The following ECM2 variants were observed in gnomAD, a reference collection of about 807,000 sequenced individuals.
ECM2 encodes extracellular matrix protein 2.
A neutral mutation model predicts 67.5 loss-of-function variants in ECM2; 57 were observed. The observed-to-expected ratio is 0.84, with a 90% confidence interval of 0.68 to 1.05. The LOEUF (loss-of-function observed/expected upper bound fraction) is 1.05. Among genes scored for constraint, ECM2 ranks in the 50% least tolerant of loss-of-function variants. The probability of loss-of-function intolerance (pLI) is 0.00; values close to 1 mark genes in which losing one functional copy is unlikely to be tolerated. For missense variants in ECM2, 741 were observed against 822.8 expected, an observed-to-expected ratio of 0.90 and a Z score of 1.22; for synonymous variants, 258 against 294.5, an observed-to-expected ratio of 0.88 and a Z score of 1.27.
chr9:92,502,398 G>T, intron 8 of ECM2, 115 bp downstream of exon 8: 2 of 1,286,170 alleles, frequency 1.6e-6, no homozygotes, highest in Non-Finnish European at 2.2e-6. Context: ...CTGTCTCCGA[G>T]CCCTTCAGTA....
chr9:92,552,002 G>GATA, the ECM2 span, among the ~76,000 whole-genome samples: 1 of 138,470 alleles, frequency 7.2e-6, no homozygotes, highest in Non-Finnish European at 1.6e-5. Flanking sequence ...TGATATATAT[G>GATA]TGTATATATA....
chr9:92,558,858 C>T, the ECM2 span, among the ~76,000 whole-genome samples: 1 of 151,992 alleles, frequency 6.6e-6, no homozygotes, highest in Non-Finnish European at 1.5e-5. Context: ...GAGTTGTATA[C>T]CTAGGAGGAT....
chr9:92,494,354 A>C (rs1358531151), downstream of ECM2, among the ~76,000 whole-genome samples: 1 of 152,218 alleles, frequency 6.6e-6, no homozygotes, highest in Non-Finnish European at 1.5e-5. Flanking sequence ...AAGGGTTGTT[A>C]AATGGATGTG....
At chr9:92,543,591 A>T in the ECM2 span, among the ~76,000 whole-genome samples, 1 of 151,900 alleles carries the variant, frequency 6.6e-6, no homozygotes, top group African/African-American at 2.4e-5. Flanking sequence ...TGAAAAAAAA[A>T]GTTGAAATTT....
chr9:92,541,825 G>T, the ECM2 span, among the ~76,000 whole-genome samples: 2 of 152,000 alleles, frequency 1.3e-5, no homozygotes, highest in South Asian at 2.1e-4. Context: ...ACGGAGTCTT[G>T]CTCTGTCACC....
the ECM2 span, among the ~76,000 whole-genome samples, chr9:92,548,487 G>A: frequency 6.6e-6 from 1 of 152,228 alleles, no homozygotes; most frequent in Non-Finnish European, 1.5e-5. Flanking sequence ...CTAATGTTGG[G>A]CAAAACTTTT....
intron 6 of ECM2, among the ~76,000 whole-genome samples, chr9:92,507,532 AG>A (rs1847078779): frequency 6.6e-6 from 1 of 152,218 alleles, no homozygotes; most frequent in African/African-American, 2.4e-5. Flanking sequence ...CGTTTCTTGT[AG>A]GTGAGACTTG....
chr9:92,520,221 T>C (rs1847979276), intron 2 of ECM2, among the ~76,000 whole-genome samples: 1 of 151,436 alleles, frequency 6.6e-6, no homozygotes, highest in African/African-American at 2.4e-5. Flanking sequence ...AGTTCAAGAC[T>C]GCAGTGAGCT....
chr9:92,526,675 A>C (rs1395376293), intron 1 of ECM2, among the ~76,000 whole-genome samples: 1 of 152,018 alleles, frequency 6.6e-6, no homozygotes, highest in African/African-American at 2.4e-5. Context: ...GACAAAGAAA[A>C]AAAAGAGGAA....
downstream of ECM2, among the ~76,000 whole-genome samples, chr9:92,494,388 C>T (rs1846258679): frequency 6.6e-6 from 1 of 152,138 alleles, no homozygotes; most frequent in South Asian, 2.1e-4. Context: ...TTGTTTTTAC[C>T]TGTCTCTTAA....
At chr9:92,522,545 TTCTG>T (rs761846875) in intron 2 of ECM2, 26 bp downstream of exon 2, 1 of 1,546,496 alleles carries the variant, frequency 6.5e-7, no homozygotes, top group Non-Finnish European at 8.7e-7. Flanking sequence ...TCCTCCCTCT[TTCTG>T]TCTCTCTCTC....
chr9:92,531,359 C>G (rs10118939), intron 1 of ECM2, among the ~76,000 whole-genome samples: 57,610 of 151,966 alleles, frequency 0.38, 13,612 homozygotes, highest in African/African-American at 0.67. Flanking sequence ...CTGGACAATA[C>G]AAGAACCAGG....
intron 9 of ECM2, among the ~76,000 whole-genome samples, chr9:92,497,581 G>A (rs1411142411): frequency 1.3e-5 from 2 of 150,536 alleles, no homozygotes; most frequent in Non-Finnish European, 2.9e-5. Context: ...CTGAGATCAC[G>A]CCGTTGCACT....
At chr9:92,520,593 A>C (rs1367209060) in intron 2 of ECM2, among the ~76,000 whole-genome samples, 1 of 152,224 alleles carries the variant, frequency 6.6e-6, no homozygotes, top group Non-Finnish European at 1.5e-5. Flanking sequence ...ATGGCCCAAC[A>C]GTTCCCCTCC....
the ECM2 span, among the ~76,000 whole-genome samples, chr9:92,549,646 C>CAAAA: frequency 1.0e-3 from 95 of 90,572 alleles, 1 homozygote; most frequent in African/African-American, 5.4e-3. Flanking sequence ...GACTCCGTCT[C>CAAAA]AAAAAAAAAA....
intron 9 of ECM2, among the ~76,000 whole-genome samples, chr9:92,497,624 CAAA>C (rs1315903167): frequency 2.5e-5 from 2 of 81,608 alleles, no homozygotes; most frequent in Non-Finnish European, 2.7e-5. Flanking sequence ...AACTCTGTCT[CAAA>C]AAAAAAAAAA....
intron 1 of ECM2, among the ~76,000 whole-genome samples, chr9:92,532,029 A>ATTT (rs201461115): frequency 3.3e-5 from 3 of 91,044 alleles, no homozygotes; most frequent in Admixed American, 1.1e-4. Flanking sequence ...TTTTTTTTTT[A>ATTT]TTTTATTTTT....
At chr9:92,543,781 C>T in the ECM2 span, among the ~76,000 whole-genome samples, 1 of 151,960 alleles carries the variant, frequency 6.6e-6, no homozygotes, top group African/African-American at 2.4e-5. Flanking sequence ...TATGTTTATT[C>T]TTAAGTATTT....
At chr9:92,516,079 C>G (rs189720948) in intron 3 of ECM2, among the ~76,000 whole-genome samples, 33 of 150,308 alleles carry the variant, frequency 2.2e-4, no homozygotes, top group South Asian at 4.4e-4. Flanking sequence ...TTTTCCCCCC[C>G]CCGAGACGGA....
Sources: gnomAD v4.1 joint callset for allele counts (sites outside exome capture counted in the v4.1 genomes callset) on GRCh38, gnomAD v4.1.1 for gene constraint, MANE v1.5 for transcripts, NCBI Gene and HGNC (gene_info 2026-07-23, HGNC 2026-07-21) for gene names.